WDR48: variants seen among roughly 807,000 people sequenced by gnomAD.
WDR48 encodes WD repeat-containing protein 48.
WDR48 carries 22 observed loss-of-function variants against 94.0 expected under a neutral mutation model. The ratio of observed to expected loss-of-function variants is 0.23; its 90% CI spans 0.17 to 0.33. WDR48 has a LOEUF of 0.33. Ranked by LOEUF, WDR48 falls within the 10% of genes least tolerant of loss-of-function variation. WDR48 has a pLI of 1.00. For missense variants in WDR48, 541 were observed against 813.8 expected (o/e 0.66, Z 4.08); for synonymous variants, 278 against 280.5 (o/e 0.99, Z 0.09).
In WDR48 at chr3:39,077,026, G is replaced by T. The variant is rs973802453; in HGVS notation, c.898-113G>T. 8 of 1,169,812 alleles carry T rather than the reference G, an allele frequency of 6.8e-6. No individual in the cohort carries two copies. The African/African-American group carries it at 1.2e-4, about 18-fold the overall frequency. 72.5% of individuals were successfully genotyped at this position (1,169,812 alleles called of 1,614,324 possible). On this transcript the variant is annotated intron_variant, in intron 8 of 18. Transcript: ENST00000302313. ...TCCTTAGTTTTTCACACATGCCCAG[G>T]TATAGTCACCACAATTGTTGAATGA...
chr3:39,066,944 AC>A (rs2033643724), intron 5 of WDR48, 69 bp downstream of exon 5: 1 of 1,549,390 alleles, frequency 6.5e-7, no homozygotes, highest in African/African-American at 1.4e-5. Flanking sequence ...GGTTTATAAA[AC>A]ATTTTTGATA....
chr3:39,065,082 C>T (rs543591030), intron 2 of WDR48, among the ~76,000 whole-genome samples: 61 of 152,298 alleles, frequency 4.0e-4, no homozygotes, highest in Non-Finnish European at 6.8e-4. Flanking sequence ...CAGAGCTGTT[C>T]TGTTTGCCCA....
intron 1 of WDR48, among the ~76,000 whole-genome samples, chr3:39,059,779 CAGAA>C (rs1311796697): frequency 6.6e-6 from 1 of 152,082 alleles, no homozygotes; most frequent in Non-Finnish European, 1.5e-5. Context: ...AAACTTTTGT[CAGAA>C]AGTGTTTATT....
At chr3:39,053,809 C>G (rs2032661171) in intron 1 of WDR48, among the ~76,000 whole-genome samples, 1 of 152,172 alleles carries the variant, frequency 6.6e-6, no homozygotes, top group Non-Finnish European at 1.5e-5. Context: ...TTAACTGCAG[C>G]AGGTTTGGAA....
intron 14 of WDR48, 92 bp downstream of exon 14, chr3:39,085,702 A>C: frequency 2.8e-6 from 3 of 1,076,688 alleles, no homozygotes; most frequent in Non-Finnish European, 4.1e-6. Context: ...ACCGTTAGCT[A>C]AAATATTTGT....
chr3:39,085,371 A>G (rs1186667648), intron 13 of WDR48, 144 bp from the exon 14 acceptor site: 1 of 687,254 alleles, frequency 1.5e-6, no homozygotes, highest in East Asian at 2.8e-5. Context: ...AAATGACTAA[A>G]GTCTTTATTT....
intron 14 of WDR48, 85 bp downstream of exon 14, chr3:39,085,695 G>A (rs974446984): frequency 9.7e-6 from 11 of 1,134,592 alleles, no homozygotes; most frequent in East Asian, 9.6e-5. Context: ...TACTTAAACC[G>A]TTAGCTAAAA....
intron 1 of WDR48, among the ~76,000 whole-genome samples, chr3:39,059,643 A>C (rs1017421926): frequency 6.6e-6 from 1 of 151,870 alleles, no homozygotes; most frequent in Admixed American, 6.6e-5. Flanking sequence ...TCTCAGTTAC[A>C]GTTAATTGCA....
At chr3:39,066,395 A>G (rs191433791) in intron 3 of WDR48, among the ~76,000 whole-genome samples, 153 bp from the exon 4 acceptor site, 17 of 152,318 alleles carry the variant, frequency 1.1e-4, no homozygotes, top group Non-Finnish European at 1.0e-4. Context: ...TTGAGGCAAT[A>G]TACAATAGGT....
Position 39,084,713 on chromosome 3 carries a change from C to T in WDR48, c.1350C>T (p.Phe450=), listed in dbSNP as rs764178263. The T allele has an allele frequency of 3.5e-5, 56 of 1,613,506 alleles. No homozygotes were observed. The highest frequency in any genetic ancestry group is 3.3e-4 in the Middle Eastern group (2 of 6,080). ...AAWVSAKDAG[F]SSPDGSDPKL... ...GGGTTTCTGCAAAAGATGCTGGTTTCAGCAGCCCTGATGGGTCAGATCCAA... is the reference window on the plus strand; with the variant it reads ...GGGTTTCTGCAAAAGATGCTGGTTTTAGCAGCCCTGATGGGTCAGATCCAA... Residue 450 remains phenylalanine, a synonymous_variant, in exon 13 of 19, where the codon TTC becomes TTT. Coordinates refer to ENST00000302313, the MANE Select transcript of WDR48 (RefSeq NM_020839.4).
At chr3:39,052,221 C>T (rs974289776) in intron 1 of WDR48, 148 bp downstream of exon 1, 2 of 881,548 alleles carry the variant, frequency 2.3e-6, no homozygotes, top group Non-Finnish European at 1.7e-6. Context: ...GGTGGGGCCG[C>T]GGCGCTAACG....
intron 6 of WDR48, 116 bp downstream of exon 6, chr3:39,068,975 A>G (rs1231776976): frequency 8.1e-6 from 6 of 739,160 alleles, no homozygotes; most frequent in East Asian, 3.0e-5. Context: ...TTATTTAGAG[A>G]CTGGGTCTCA....
At chr3:39,062,889 C>T (rs1376477673) in intron 1 of WDR48, among the ~76,000 whole-genome samples, 161 bp from the exon 2 acceptor site, 2 of 152,134 alleles carry the variant, frequency 1.3e-5, no homozygotes, top group African/African-American at 4.8e-5. Context: ...TTCTCTTCAG[C>T]CCTTTAGTCT....
In WDR48 at chr3:39,084,642, T is replaced by A; in HGVS notation, c.1282-3T>A. On this transcript the variant is annotated splice_region_variant and splice_polypyrimidine_tract_variant and intron_variant, in intron 12 of 18. Transcript: ENST00000302313. Reference sequence around the variant, plus strand: ...GATGCCACTAAGTTTTTTCTTTTGATAGATGTTAACTATTACTTTGGATGA... The same window carrying A: ...GATGCCACTAAGTTTTTTCTTTTGAAAGATGTTAACTATTACTTTGGATGA... 1 of 1,612,288 alleles carries A rather than the reference T, an allele frequency of 6.2e-7. No homozygotes were observed. Among genetic ancestry groups the A allele is most frequent in the Non-Finnish European group, 8.5e-7 (1 of 1,179,382 alleles).
chr3:39,076,640 T>C (rs555106347), intron 8 of WDR48, among the ~76,000 whole-genome samples: 115 of 152,310 alleles, frequency 7.6e-4, no homozygotes, highest in Non-Finnish European at 1.4e-3. Context: ...CATAAACATA[T>C]TCTTATATGT....
chr3:39,092,507 G>C (rs2035132273), intron 17 of WDR48, among the ~76,000 whole-genome samples: 1 of 152,108 alleles, frequency 6.6e-6, no homozygotes, highest in Admixed American at 6.5e-5. Flanking sequence ...GGGCAGCAGG[G>C]GGATATTAGG....
intron 1 of WDR48, among the ~76,000 whole-genome samples, chr3:39,060,145 G>A (rs1051296582): frequency 1.3e-5 from 2 of 151,932 alleles, no homozygotes; most frequent in Non-Finnish European, 2.9e-5. Flanking sequence ...TGATTTTTTT[G>A]TATATTCGGA....
chr3:39,086,186 A>T (rs1440128231), intron 14 of WDR48: 1 of 152,324 alleles, frequency 6.6e-6, no homozygotes, highest in Non-Finnish European at 1.5e-5. Flanking sequence ...AGTGGCAGTA[A>T]CGTTCCCTGA....
At chr3:39,058,379 A>G (rs2033035039) in intron 1 of WDR48, among the ~76,000 whole-genome samples, 1 of 152,258 alleles carries the variant, frequency 6.6e-6, no homozygotes, top group African/African-American at 2.4e-5. Context: ...TCTTTAGGAA[A>G]TACCGTTGAA....
Sources: allele counts gnomAD v4.1 joint callset (sites outside exome capture counted in the v4.1 genomes callset), GRCh38; gene constraint gnomAD v4.1.1; transcripts MANE v1.5; gene names NCBI Gene and HGNC (gene_info 2026-07-23, HGNC 2026-07-21).